Variants in CORO1C observed in about 807,000 individuals in gnomAD.
CORO1C encodes coronin 1C, also known as coronin-1C.
CORO1C carries 14 observed loss-of-function variants against 51.2 expected under a neutral mutation model. The observed-to-expected ratio is 0.27, with a 90% CI of 0.18 to 0.43. The LOEUF is 0.43. Among genes scored for constraint, CORO1C ranks in the 20% least tolerant of loss-of-function variants. The pLI, the probability that CORO1C is intolerant of heterozygous loss-of-function variation, is 1.00. For missense variants in CORO1C, 417 were observed against 607.8 expected, an observed-to-expected ratio of 0.69 and a Z score of 3.30; for synonymous variants, 181 against 210.5, an observed-to-expected ratio of 0.86 and a Z score of 1.21.
intron 5 of CORO1C, 139 bp from the exon 6 acceptor site, chr12:108,657,562 C>G (rs1565903918): frequency 2.5e-6 from 2 of 806,450 alleles, no homozygotes. Flanking sequence ...GTTAACCATC[C>G]CCCTTCCCCA....
intron 3 of CORO1C, among the ~76,000 whole-genome samples, chr12:108,671,270 A>T (rs1216957797): frequency 6.6e-6 from 1 of 152,102 alleles, no homozygotes; most frequent in African/African-American, 2.4e-5. Flanking sequence ...CAGGAGGTCA[A>T]GGCATGATCG....
At chr12:108,714,867 T>A (rs561957542) in intron 1 of CORO1C, among the ~76,000 whole-genome samples, 5 of 152,204 alleles carry the variant, frequency 3.3e-5, no homozygotes, top group Non-Finnish European at 7.3e-5. Context: ...TCTATACTCA[T>A]TTTAGGAACT....
chr12:108,695,544 T>C (rs1241177582), intron 2 of CORO1C, among the ~76,000 whole-genome samples: 1 of 152,188 alleles, frequency 6.6e-6, no homozygotes, highest in Non-Finnish European at 1.5e-5. Flanking sequence ...ACCAGTGGTA[T>C]GAAGAAGCAA....
intron 5 of CORO1C, among the ~76,000 whole-genome samples, chr12:108,657,848 A>C (rs546469097): frequency 6.6e-6 from 1 of 152,362 alleles, no homozygotes; most frequent in Admixed American, 6.5e-5. Context: ...CCTTGACCTC[A>C]GTAGTTTAAT....
chr12:108,657,502 A>G, intron 5 of CORO1C, 79 bp from the exon 6 acceptor site: 2 of 1,462,786 alleles, frequency 1.4e-6, no homozygotes, highest in South Asian at 1.2e-5. Context: ...CACAGATCCA[A>G]CCTCACCAAC....
intron 2 of CORO1C, among the ~76,000 whole-genome samples, chr12:108,691,336 CATGTGGTTATAAGGTGGCTTCTGGGCAA>C (rs1354987373): frequency 6.6e-6 from 1 of 152,186 alleles, no homozygotes; most frequent in Non-Finnish European, 1.5e-5. Flanking sequence ...TGATTTGCTA[CATGTGGTTATAAGGTGGCTTCTGGGCAA>C]AACCGTGACT....
intron 1 of CORO1C, among the ~76,000 whole-genome samples, chr12:108,709,896 T>A (rs1210001703): frequency 6.6e-6 from 1 of 152,216 alleles, no homozygotes; most frequent in East Asian, 1.9e-4. Flanking sequence ...AGGCTTTCCC[T>A]TGCTTGCAAC....
chr12:108,696,765 G>A (rs536817663), intron 2 of CORO1C, among the ~76,000 whole-genome samples: 5 of 152,240 alleles, frequency 3.3e-5, no homozygotes, highest in African/African-American at 4.8e-5. Flanking sequence ...ATGGCAGAGT[G>A]GCAAGCCACA....
At chr12:108,657,169 A>G in intron 6 of CORO1C, 135 bp downstream of exon 6, 1 of 1,184,984 alleles carries the variant, frequency 8.4e-7, no homozygotes, top group Non-Finnish European at 1.2e-6. Context: ...TAAGAACTTC[A>G]CATCCAATCT....
At chr12:108,669,030 G>C (rs1435331592) in intron 3 of CORO1C, among the ~76,000 whole-genome samples, 1 of 152,168 alleles carries the variant, frequency 6.6e-6, no homozygotes, top group African/African-American at 2.4e-5. Flanking sequence ...ACTGCTGTGT[G>C]ATAGTATAAA....
At position 108,725,951 on chromosome 12, in the gene CORO1C, T is replaced by C. The variant is rs1157241040; in HGVS notation, c.-6+5478A>G. Among the ~76,000 whole-genome samples the C allele has an allele frequency of 2.6e-5, 4 of 152,038 alleles. No homozygotes were observed. The East Asian group carries it at 7.8e-4, about 30-fold the overall frequency. On this transcript the variant is annotated intron_variant, in intron 1 of 10. Transcript: ENST00000261401. ...CCCAGGTTTCAAGCAATTCCCCTGCTTCAGCCTCCTGAGTAGCTGGGACTA... is the reference window on the plus strand; with the variant it reads ...CCCAGGTTTCAAGCAATTCCCCTGCCTCAGCCTCCTGAGTAGCTGGGACTA...
intron 1 of CORO1C, among the ~76,000 whole-genome samples, chr12:108,706,829 C>T (rs1382546136): frequency 6.6e-6 from 1 of 152,174 alleles, no homozygotes; most frequent in Non-Finnish European, 1.5e-5. Context: ...GGTGATCCTC[C>T]TGTCTTGGCC....
Position 108,646,603 on chromosome 12 carries a change from TA to T in CORO1C, c.*799del, listed in dbSNP as rs2136787615. 6.6e-6 allele frequency: 1 copy of T among 152,324 alleles called. No individual in the cohort carries two copies. The highest frequency in any genetic ancestry group is 2.1e-4 in the South Asian group (1 of 4,830). 9.4% of individuals were successfully genotyped at this position (152,324 alleles called of 1,614,324 possible). A position where few individuals can be genotyped will look rare whatever the true frequency, so the allele number is the denominator to read the frequency against. Reference sequence around the variant, plus strand: ...GATTATAATCATCTGAAGCACAGGATAACCGAGAAGCAAAATTCCATTCTGG... The same window carrying T: ...GATTATAATCATCTGAAGCACAGGATACCGAGAAGCAAAATTCCATTCTGG... On this transcript the variant is annotated 3_prime_UTR_variant, in exon 11 of 11. Transcript: ENST00000261401.
At chr12:108,702,530 T>G (rs766076018) in intron 1 of CORO1C, among the ~76,000 whole-genome samples, 1 of 152,238 alleles carries the variant, frequency 6.6e-6, no homozygotes, top group African/African-American at 2.4e-5. Context: ...TTTTCCTATG[T>G]GCTACTGCAG....
intron 1 of CORO1C, chr12:108,702,989 C>T: frequency 6.8e-7 from 1 of 1,478,722 alleles, no homozygotes; most frequent in Non-Finnish European, 9.0e-7. Flanking sequence ...TGATTCGTGG[C>T]CAGGGTCCTT....
At chr12:108,705,435 A>G (rs10861965) in intron 1 of CORO1C, among the ~76,000 whole-genome samples, 76,684 of 137,438 alleles carry the variant, frequency 0.56, 22,054 homozygotes, top group East Asian at 0.99. Context: ...ACTCCAGCCT[A>G]GGTGACAGAG....
chr12:108,700,018 T>C (rs1037495686), intron 2 of CORO1C, among the ~76,000 whole-genome samples: 20 of 151,344 alleles, frequency 1.3e-4, no homozygotes, highest in African/African-American at 4.9e-4. Context: ...CCAATGAGAG[T>C]TTTCCCAAGG....
rs372909353 is a variant in CORO1C at position 108,662,072 on chromosome 12, G to A, written c.405C>T (p.Ile135=). ...TGCGGGCCGTTGGATGCCAAGCCAC[G>A]ATGCCGACTCTCTTTGAGTGGCCTT... ...ILEGHSKRVG[I]VAWHPTARNV... is the part of the protein sequence containing the mutation. The change falls in exon 4 of 11, where the codon ATC becomes ATT. Residue 135 remains isoleucine (I), a synonymous_variant. Coordinates refer to ENST00000261401, the MANE Select transcript of CORO1C (RefSeq NM_014325.4). 1.6e-5 allele frequency: 26 copies of A among 1,614,030 alleles called. No individual in the cohort carries two copies. Among genetic ancestry groups the A allele is most frequent in the African/African-American group, 1.1e-4 (8 of 74,924 alleles).
intron 3 of CORO1C, among the ~76,000 whole-genome samples, chr12:108,670,171 A>G (rs899518434): frequency 6.6e-6 from 1 of 152,232 alleles, no homozygotes; most frequent in African/African-American, 2.4e-5. Flanking sequence ...TGATATCCCC[A>G]AAATTTAAGC....
Sources: gnomAD v4.1 joint callset for allele counts (sites outside exome capture counted in the v4.1 genomes callset) on GRCh38, gnomAD v4.1.1 for gene constraint, MANE v1.5 for transcripts, NCBI Gene and HGNC (gene_info 2026-07-23, HGNC 2026-07-21) for gene names.